GRID1: variants seen among roughly 807,000 people sequenced by gnomAD.
The protein encoded by GRID1 is glutamate receptor ionotropic, delta-1.
In GRID1, 28 loss-of-function variants were observed where a neutral mutation model predicts 98.0. The ratio of observed to expected loss-of-function variants is 0.29; its 90% CI spans 0.21 to 0.39. GRID1 has a LOEUF of 0.39. GRID1 is among the 10% of genes least tolerant of loss of function. The probability of loss-of-function intolerance (pLI) is 1.00; values close to 1 mark genes in which losing one functional copy is unlikely to be tolerated. For synonymous variants in GRID1, 553 were observed against 538.5 expected (o/e 1.03, Z -0.37); for missense variants, 1,111 against 1,340.5 (o/e 0.83, Z 2.67).
intron 2 of GRID1, among the ~76,000 whole-genome samples, chr10:86,235,530 G>T (rs1473089504): frequency 6.6e-6 from 1 of 152,162 alleles, no homozygotes; most frequent in Non-Finnish European, 1.5e-5. Context: ...GTCCCCTCAT[G>T]CCTGTTTACA....
At chr10:86,114,569 G>T (rs1276627260) in intron 4 of GRID1, among the ~76,000 whole-genome samples, 2 of 152,140 alleles carry the variant, frequency 1.3e-5, no homozygotes, top group African/African-American at 4.8e-5. Context: ...CTGCATTCTT[G>T]ACAGCTTGAC....
At chr10:86,354,713 C>A (rs946837166) in intron 2 of GRID1, among the ~76,000 whole-genome samples, 2 of 152,252 alleles carry the variant, frequency 1.3e-5, no homozygotes, top group Non-Finnish European at 2.9e-5. Context: ...TGCCCTATGG[C>A]CAGGTCCCGG....
chr10:85,908,836 A>T (rs990534475), intron 5 of GRID1, among the ~76,000 whole-genome samples: 1 of 152,210 alleles, frequency 6.6e-6, no homozygotes, highest in African/African-American at 2.4e-5. Flanking sequence ...TGGCATAAAG[A>T]CAGAAAAAAA....
chr10:86,182,649 G>A (rs1451744983), intron 3 of GRID1, among the ~76,000 whole-genome samples: 1 of 152,230 alleles, frequency 6.6e-6, no homozygotes, highest in Non-Finnish European at 1.5e-5. Context: ...AGATTGCAAT[G>A]CACTTAGCTT....
At chr10:86,073,024 G>A (rs770134983) in intron 4 of GRID1, among the ~76,000 whole-genome samples, 14 of 152,200 alleles carry the variant, frequency 9.2e-5, no homozygotes, top group Non-Finnish European at 1.8e-4. Context: ...TGAGTATTGA[G>A]AATAAAGAAT....
intron 3 of GRID1, among the ~76,000 whole-genome samples, chr10:86,167,373 C>T (rs901470159): frequency 3.3e-5 from 5 of 152,178 alleles, no homozygotes; most frequent in African/African-American, 7.2e-5. Context: ...AAGGAACCAC[C>T]GAGCTGGTCC....
intron 3 of GRID1, among the ~76,000 whole-genome samples, chr10:86,166,892 A>C (rs1044040546): frequency 2.0e-5 from 3 of 152,218 alleles, no homozygotes; most frequent in African/African-American, 7.2e-5. Flanking sequence ...GCCAGGCCCC[A>C]AGACCAAAGT....
chr10:86,153,078 T>C (rs1845192933), intron 3 of GRID1, among the ~76,000 whole-genome samples: 1 of 152,204 alleles, frequency 6.6e-6, no homozygotes, highest in Non-Finnish European at 1.5e-5. Context: ...ACGCCACTTC[T>C]GCAGAGGAAC....
At chr10:86,047,102 C>T (rs2131902941) in intron 4 of GRID1, among the ~76,000 whole-genome samples, 1 of 152,320 alleles carries the variant, frequency 6.6e-6, no homozygotes, top group Non-Finnish European at 1.5e-5. Context: ...ATTCTCAAAA[C>T]TAATTAATCT....
At chr10:86,283,528 GACACAC>G (rs367710953) in intron 2 of GRID1, among the ~76,000 whole-genome samples, 7 of 148,516 alleles carry the variant, frequency 4.7e-5, no homozygotes, top group South Asian at 2.1e-4. Flanking sequence ...TTGCCCACAT[GACACAC>G]ACACACACAC....
At chr10:85,852,750 C>G (rs113222445) in intron 8 of GRID1, among the ~76,000 whole-genome samples, 140 of 152,226 alleles carry the variant, frequency 9.2e-4, no homozygotes, top group African/African-American at 3.3e-3. Context: ...TGACCCAGAC[C>G]AATGCTGACC....
chr10:86,118,111 T>TAC lies in GRID1; in HGVS notation c.726+20707_726+20708insGT, dbSNP rs1250024177. ...AATGTGAGACAGATAGATAGATATA[T>TAC]ATACACACACACACACATCACCATG... is the stretch of plus-strand genomic sequence containing the variant. On this transcript the variant is annotated intron_variant, in intron 4 of 15. Transcript: ENST00000327946. 4.0e-3 allele frequency among the ~76,000 whole-genome samples: 614 copies of TAC among 152,184 alleles called. 2 individuals are homozygous for TAC. The highest frequency in any genetic ancestry group is 0.013 in the African/African-American group (545 of 41,524).
Position 86,363,963 on chromosome 10 carries a change from G to T in GRID1, c.213C>A (p.Asn71Lys). ...TYSIKVIEAN[N>K]PFQAVQEACD... is the part of the protein sequence containing the mutation. ...CACCTTCCTGCACAGCCTGGAATGGGTTGTTGGCCTCGATGACCTTGATGG... is the reference window on the plus strand; with the variant it reads ...CACCTTCCTGCACAGCCTGGAATGGTTTGTTGGCCTCGATGACCTTGATGG... The change falls in exon 2 of 16, where the codon AAC becomes AAA. Residue 71 changes from asparagine to lysine, a missense_variant. Around this residue, in one of 3 missense-constraint regions of GRID1, gnomAD observed 346 missense variants for 452.3 expected, o/e 0.76. Transcript: ENST00000327946. 6.2e-7 allele frequency: 1 copy of T among 1,614,118 alleles called. No individual in the cohort carries two copies. Among genetic ancestry groups the T allele is most frequent in the South Asian group, 1.1e-5 (1 of 91,086 alleles).
At chr10:86,338,148 T>G (rs767557488) in intron 2 of GRID1, among the ~76,000 whole-genome samples, 30 of 151,998 alleles carry the variant, frequency 2.0e-4, no homozygotes, top group Non-Finnish European at 3.8e-4. Context: ...GTCAGGATAC[T>G]CCCATCCCTG....
At chr10:85,852,186 C>T (rs1880386) in intron 8 of GRID1, among the ~76,000 whole-genome samples, 23,521 of 152,210 alleles carry the variant, frequency 0.15, 1,940 homozygotes, top group Middle Eastern at 0.2. Context: ...AGATAACAAC[C>T]AGGATATGCA....
chr10:85,890,096 G>T (rs77001607), intron 5 of GRID1, among the ~76,000 whole-genome samples: 7,207 of 151,382 alleles, frequency 0.048, 250 homozygotes, highest in Non-Finnish European at 0.071. Context: ...ATTATTGTTA[G>T]CTATAGTCAT....
intron 8 of GRID1, among the ~76,000 whole-genome samples, chr10:85,801,148 G>T (rs1277549416): frequency 2.6e-5 from 4 of 151,856 alleles, no homozygotes; most frequent in Admixed American, 1.3e-4. Flanking sequence ...ATAACTTTTA[G>T]AAGTTAGAAA....
intron 2 of GRID1, among the ~76,000 whole-genome samples, chr10:86,348,440 G>T (rs1848418777): frequency 6.6e-6 from 1 of 152,254 alleles, no homozygotes; most frequent in Non-Finnish European, 1.5e-5. Context: ...GCACAGGGTG[G>T]ATGGGTGGAG....
At chr10:85,927,083 A>T (rs1841783938) in intron 4 of GRID1, among the ~76,000 whole-genome samples, 1 of 152,206 alleles carries the variant, frequency 6.6e-6, no homozygotes, top group Non-Finnish European at 1.5e-5. Context: ...TCAAATGCTC[A>T]GACCACTTTG....
Sources: gnomAD v4.1 joint callset for allele counts (sites outside exome capture counted in the v4.1 genomes callset) on GRCh38, gnomAD v4.1.1 for gene constraint, gnomAD v4.1.1 regional missense constraint, MANE v1.5 for transcripts, NCBI Gene and HGNC (gene_info 2026-07-23, HGNC 2026-07-21) for gene names.